Variants in NIPA2 observed in about 807,000 individuals in gnomAD.
The protein encoded by NIPA2 is magnesium transporter NIPA2.
In NIPA2, 11 loss-of-function variants were observed where a neutral mutation model predicts 29.7. The ratio of observed to expected loss-of-function variants is 0.37; its 90% confidence interval spans 0.23 to 0.61. The LOEUF (loss-of-function observed/expected upper bound fraction) is 0.61, where lower values mean the gene tolerates loss of function less well. Among genes scored for constraint, NIPA2 ranks in the 20% least tolerant of loss-of-function variants. The pLI is 0.66. For synonymous variants in NIPA2, 183 were observed against 161.9 expected, an observed-to-expected ratio of 1.13 and a Z score of -0.99; for missense variants, 426 against 437.9, an observed-to-expected ratio of 0.97 and a Z score of 0.24.
chr15:22,840,320 T>G, intron 2 of NIPA2, among the ~76,000 whole-genome samples: 1 of 141,644 alleles, frequency 7.1e-6, no homozygotes, highest in African/African-American at 2.6e-5. Context: ...TTTTTTGAGA[T>G]GGAATCTTGC....
chr15:22,850,903 A>G (rs1439102650), intron 3 of NIPA2, among the ~76,000 whole-genome samples: 1 of 152,168 alleles, frequency 6.6e-6, no homozygotes, highest in East Asian at 1.9e-4. Flanking sequence ...TTGTTGCTAA[A>G]AACTATTTTT....
intron 1 of NIPA2, 27 bp from the exon 2 acceptor site, chr15:22,839,628 C>T (rs1896471525): frequency 6.6e-6 from 1 of 152,098 alleles, no homozygotes; most frequent in African/African-American, 2.4e-5. Context: ...AAGTCTTTTG[C>T]CTACTTCTGT....
At position 22,859,441 on chromosome 15, in the gene NIPA2, C is replaced by T. The variant is rs1206696218; in HGVS notation, c.287+811C>T. On this transcript the variant is annotated intron_variant, in intron 6 of 7. Transcript: ENST00000337451. ...CCGAGTAGCTGGGACTACAGGCACC[C>T]GCCACCACACCTGGCTAATGTTTTG... Among the ~76,000 whole-genome samples, 12 of 151,960 alleles carry T rather than the reference C, an allele frequency of 7.9e-5. 1 individual carries two copies. Among genetic ancestry groups the T allele is most frequent in the African/African-American group, 1.9e-4 (8 of 41,388 alleles).
chr15:22,863,929 G>A (rs1322553682), intron 7 of NIPA2, among the ~76,000 whole-genome samples: 1 of 152,012 alleles, frequency 6.6e-6, no homozygotes, highest in Non-Finnish European at 1.5e-5. Flanking sequence ...GTTTTTTGTT[G>A]TTGTAGATCC....
In NIPA2 at chr15:22,867,825, A is replaced by G. The variant is rs2059224347; in HGVS notation, c.*978A>G. 2 of 149,134 alleles carry G rather than the reference A, an allele frequency of 1.3e-5. No homozygotes were observed. Among genetic ancestry groups the G allele is most frequent in the South Asian group, 2.2e-4 (1 of 4,646 alleles). 9.2% of individuals were successfully genotyped at this position (149,134 alleles called of 1,614,324 possible). A position where few individuals can be genotyped will look rare whatever the true frequency, so the allele number is the denominator to read the frequency against. On this transcript the variant is annotated 3_prime_UTR_variant, in exon 8 of 8. Coordinates refer to ENST00000337451, the MANE Select transcript of NIPA2 (RefSeq NM_030922.7). ...TGCTTAAGAGCTCCTTTGGGCCACT[A>G]CATATTTTGGTTTCTAGAAAATGTT...
At chr15:22,842,654 C>T (rs1897390977) in intron 2 of NIPA2, among the ~76,000 whole-genome samples, 1 of 151,984 alleles carries the variant, frequency 6.6e-6, no homozygotes, top group Non-Finnish European at 1.5e-5. Flanking sequence ...CATGGCGAAA[C>T]CCCATCTCTA....
chr15:22,846,302 G>A (rs1421874872), intron 3 of NIPA2, among the ~76,000 whole-genome samples: 1 of 152,132 alleles, frequency 6.6e-6, no homozygotes, highest in Non-Finnish European at 1.5e-5. Context: ...TCACTGTGAT[G>A]AGAATTGTTT....
intron 6 of NIPA2, 40 bp downstream of exon 6, chr15:22,858,670 CT>C: frequency 8.0e-7 from 1 of 1,247,156 alleles, no homozygotes; most frequent in Non-Finnish European, 1.1e-6. Flanking sequence ...TAGTCGGTAT[CT>C]TAGTTTCTAA....
intron 3 of NIPA2, among the ~76,000 whole-genome samples, chr15:22,850,270 T>C (rs1237013694): frequency 6.6e-6 from 1 of 152,024 alleles, no homozygotes; most frequent in Non-Finnish European, 1.5e-5. Flanking sequence ...GATCAGGACA[T>C]GCACTTCCTG....
intron 7 of NIPA2, among the ~76,000 whole-genome samples, chr15:22,861,175 A>C (rs1364202227): frequency 6.6e-6 from 1 of 152,058 alleles, no homozygotes; most frequent in Non-Finnish European, 1.5e-5. Flanking sequence ...AGAAGTAATA[A>C]TTATCTTGTT....
In NIPA2 at chr15:22,868,343, T is replaced by G. The variant is rs1440580034; in HGVS notation, c.*1496T>G. On this transcript the variant is annotated 3_prime_UTR_variant, in exon 8 of 8. Transcript: ENST00000337451. ...TCCCCCTTGAGGACAGAGACTCATTTGAACATGCATAGGTTAATAAATAAT... is the reference window on the plus strand; with the variant it reads ...TCCCCCTTGAGGACAGAGACTCATTGGAACATGCATAGGTTAATAAATAAT... 1 of 151,746 alleles carries G rather than the reference T, an allele frequency of 6.6e-6. No homozygotes were observed. The highest frequency in any genetic ancestry group is 1.5e-5 in the Non-Finnish European group (1 of 67,960). 9.4% of individuals were successfully genotyped at this position (151,746 alleles called of 1,614,324 possible).
intron 3 of NIPA2, among the ~76,000 whole-genome samples, chr15:22,846,821 T>TAAC (rs1349587058): frequency 1.0e-5 from 1 of 96,448 alleles, no homozygotes; most frequent in Non-Finnish European, 2.3e-5. Flanking sequence ...GTCTCCAAAA[T>TAAC]AATAATAATA....
At chr15:22,840,217 G>C (rs1896649410) in intron 2 of NIPA2, among the ~76,000 whole-genome samples, 1 of 151,074 alleles carries the variant, frequency 6.6e-6, no homozygotes, top group Non-Finnish European at 1.5e-5. Context: ...ACCGAGCCGG[G>C]CCTAAGCTAA....
intron 6 of NIPA2, 131 bp from the exon 7 acceptor site, chr15:22,860,498 G>A (rs565927340): frequency 3.0e-5 from 20 of 662,964 alleles, no homozygotes; most frequent in African/African-American, 2.6e-4. Flanking sequence ...TTTCCTTGGC[G>A]AAAGCCAGAA....
Position 22,847,752 on chromosome 15 carries a change from G to A in NIPA2, c.-94+2485G>A, listed in dbSNP as rs112896760. ...GTTGGGATTACAGGCATGAGCCACCGTGCCCGGCCGATGATTTTTATGTCA... is the reference window on the plus strand; with the variant it reads ...GTTGGGATTACAGGCATGAGCCACCATGCCCGGCCGATGATTTTTATGTCA... On this transcript the variant is annotated intron_variant, in intron 3 of 7. Coordinates refer to ENST00000337451, the MANE Select transcript of NIPA2 (RefSeq NM_030922.7). Among the ~76,000 whole-genome samples the A allele has an allele frequency of 0.024, 3,605 of 147,758 alleles. 197 individuals carry two copies. In the East Asian group the frequency reaches 0.25, roughly 10 times the overall value.
In NIPA2 at chr15:22,860,615, C is replaced by A; in HGVS notation, c.288-14C>A. Reference sequence around the variant, plus strand: ...CTGATTAAAGTTCTCAATTTTTTTTCCTCCCCATTTTAGTGCCATTCTTTC... The same window carrying A: ...CTGATTAAAGTTCTCAATTTTTTTTACTCCCCATTTTAGTGCCATTCTTTC... On this transcript the variant is annotated splice_polypyrimidine_tract_variant and intron_variant, in intron 6 of 7. Coordinates refer to ENST00000337451, the MANE Select transcript of NIPA2 (RefSeq NM_030922.7). The A allele has an allele frequency of 6.6e-7, 1 of 1,512,700 alleles. No homozygotes were observed. Among genetic ancestry groups the A allele is most frequent in the Non-Finnish European group, 8.8e-7 (1 of 1,130,550 alleles). 93.7% of individuals were successfully genotyped at this position (1,512,700 alleles called of 1,614,324 possible). A position where few individuals can be genotyped will look rare whatever the true frequency, so the allele number is the denominator to read the frequency against.
At chr15:22,858,210 G>A (rs1371922216) in intron 5 of NIPA2, among the ~76,000 whole-genome samples, 1 of 152,006 alleles carries the variant, frequency 6.6e-6, no homozygotes, top group East Asian at 1.9e-4. Flanking sequence ...TGGCTAACAC[G>A]GTGAAACTCC....
chr15:22,844,761 A>C (rs1009175212), intron 2 of NIPA2, among the ~76,000 whole-genome samples: 12 of 152,010 alleles, frequency 7.9e-5, no homozygotes, highest in South Asian at 2.1e-4. Context: ...CAAAAACCAC[A>C]ACAACAACAA....
At chr15:22,864,709 AGAGGCACTTTGTATC>A (rs1270795170) in intron 7 of NIPA2, among the ~76,000 whole-genome samples, 1 of 152,210 alleles carries the variant, frequency 6.6e-6, no homozygotes, top group Non-Finnish European at 1.5e-5. Flanking sequence ...ACTCCACTTC[AGAGGCACTTTGTATC>A]TTTTGAGCAT....
Sources: allele counts gnomAD v4.1 joint callset (sites outside exome capture counted in the v4.1 genomes callset), GRCh38; gene constraint gnomAD v4.1.1; transcripts MANE v1.5; gene names NCBI Gene and HGNC (gene_info 2026-07-23, HGNC 2026-07-21).